Variants in FNDC3A observed in about 807,000 individuals in gnomAD.
The protein encoded by FNDC3A is fibronectin type III domain containing 3A.
A neutral mutation model predicts 148.9 loss-of-function variants in FNDC3A; 32 were observed. That is an observed-to-expected ratio of 0.21 (90% CI 0.16 to 0.29). The LOEUF is 0.29. Among genes scored for constraint, FNDC3A ranks in the 10% least tolerant of loss-of-function variants. The probability of loss-of-function intolerance (pLI) is 1.00; values close to 1 mark genes in which losing one functional copy is unlikely to be tolerated. For missense variants in FNDC3A, 1,191 were observed against 1,452.8 expected (o/e 0.82, Z 2.93); for synonymous variants, 472 against 473.6 (o/e 1.00, Z 0.04).
chr13:49,072,957 T>G (rs950650161), intron 2 of FNDC3A, among the ~76,000 whole-genome samples: 3 of 152,170 alleles, frequency 2.0e-5, no homozygotes, highest in Admixed American at 6.5e-5. Context: ...TCTTTATTTC[T>G]GTCTCTTGCC....
At chr13:48,990,290 G>C (rs559666121) in intron 1 of FNDC3A, among the ~76,000 whole-genome samples, 4 of 151,844 alleles carry the variant, frequency 2.6e-5, no homozygotes, top group South Asian at 2.1e-4. Flanking sequence ...TGAACTAAAA[G>C]ACATGTTAAA....
intron 2 of FNDC3A, among the ~76,000 whole-genome samples, chr13:49,035,187 G>A (rs1406727769): frequency 6.6e-6 from 1 of 152,048 alleles, no homozygotes; most frequent in Non-Finnish European, 1.5e-5. Flanking sequence ...ATGTGTATAA[G>A]TTCAATGAGC....
At chr13:49,144,032 CTAATAA>C (rs1166963044) in intron 7 of FNDC3A, among the ~76,000 whole-genome samples, 1 of 149,890 alleles carries the variant, frequency 6.7e-6, no homozygotes. Flanking sequence ...ACTACTACTA[CTAATAA>C]TAATAATAAT....
At chr13:49,121,383 T>G (rs979016252) in intron 4 of FNDC3A, among the ~76,000 whole-genome samples, 1 of 152,072 alleles carries the variant, frequency 6.6e-6, no homozygotes, top group Non-Finnish European at 1.5e-5. Flanking sequence ...AATGCCCACA[T>G]GAGAAAGCGG....
chr13:49,159,382 A>G (rs915210113), intron 8 of FNDC3A, among the ~76,000 whole-genome samples: 1 of 152,150 alleles, frequency 6.6e-6, no homozygotes, highest in African/African-American at 2.4e-5. Context: ...CTTTGAAGCA[A>G]TTGTGAATGG....
intron 8 of FNDC3A, among the ~76,000 whole-genome samples, chr13:49,165,276 C>A (rs1408452859): frequency 1.3e-5 from 2 of 152,164 alleles, no homozygotes; most frequent in Non-Finnish European, 2.9e-5. Flanking sequence ...AGTATCCATG[C>A]ATCTGGTATA....
intron 2 of FNDC3A, among the ~76,000 whole-genome samples, chr13:49,065,281 C>A (rs995504656): frequency 2.0e-5 from 3 of 152,106 alleles, no homozygotes; most frequent in Non-Finnish European, 2.9e-5. Context: ...AGCTCAGGAA[C>A]CCAGGAGGGA....
intron 4 of FNDC3A, among the ~76,000 whole-genome samples, chr13:49,126,329 T>C (rs955807712): frequency 2.0e-5 from 3 of 152,110 alleles, no homozygotes; most frequent in Admixed American, 2.0e-4. Flanking sequence ...TTAACCTTTT[T>C]TAAGTATACA....
intron 19 of FNDC3A, among the ~76,000 whole-genome samples, chr13:49,194,106 C>T (rs901776018): frequency 1.3e-5 from 2 of 151,900 alleles, no homozygotes; most frequent in Admixed American, 1.3e-4. Flanking sequence ...ACTAAAAATA[C>T]AAAAATTAGC....
At chr13:49,090,752 G>A (rs1462566879) in intron 3 of FNDC3A, among the ~76,000 whole-genome samples, 1 of 152,076 alleles carries the variant, frequency 6.6e-6, no homozygotes, top group Non-Finnish European at 1.5e-5. Context: ...CTGTAATCAC[G>A]ACACTTTGGG....
chr13:49,036,776 G>A (rs964371021), intron 2 of FNDC3A, among the ~76,000 whole-genome samples: 2 of 152,162 alleles, frequency 1.3e-5, no homozygotes, highest in Non-Finnish European at 2.9e-5. Flanking sequence ...GCTTTAGGAT[G>A]GCAGAATCTT....
chr13:49,106,773 C>CAAAAAAAAAAAAAAAAAAAAAACAAA (rs543962565), intron 3 of FNDC3A, among the ~76,000 whole-genome samples: 1 of 79,888 alleles, frequency 1.3e-5, no homozygotes, highest in Non-Finnish European at 2.3e-5. Flanking sequence ...TGAATGAAAG[C>CAAAAAAAAAAAAAAAAAAAAAACAAA]AAAAAAAAAA....
At chr13:49,012,805 A>ATTGTGTGTG (rs1555277951) in intron 2 of FNDC3A, among the ~76,000 whole-genome samples, 2 of 134,524 alleles carry the variant, frequency 1.5e-5, no homozygotes, top group South Asian at 2.7e-4. Context: ...GCAATTATAA[A>ATTGTGTGTG]TGTGTGTGTG....
intron 19 of FNDC3A, among the ~76,000 whole-genome samples, chr13:49,195,695 A>G (rs772826003): frequency 1.9e-4 from 29 of 152,170 alleles, no homozygotes; most frequent in Non-Finnish European, 3.7e-4. Flanking sequence ...AACTTGGAAT[A>G]ATTTTAATAT....
At chr13:49,053,353 A>G (rs1218721254) in intron 2 of FNDC3A, among the ~76,000 whole-genome samples, 5 of 152,120 alleles carry the variant, frequency 3.3e-5, no homozygotes, top group African/African-American at 4.8e-5. Flanking sequence ...TCTGCCTCCT[A>G]TTTGCCATGT....
chr13:49,061,204 G>T (rs1593531994), intron 2 of FNDC3A, among the ~76,000 whole-genome samples: 3 of 151,740 alleles, frequency 2.0e-5, no homozygotes, highest in Admixed American at 2.0e-4. Flanking sequence ...CAAACTCCCG[G>T]ACTCAAGTAA....
At chr13:48,983,349 A>T (rs1485781129) in intron 1 of FNDC3A, among the ~76,000 whole-genome samples, 1 of 152,200 alleles carries the variant, frequency 6.6e-6, no homozygotes, top group African/African-American at 2.4e-5. Context: ...TAAATCAGCT[A>T]TTCAACTATG....
intron 2 of FNDC3A, among the ~76,000 whole-genome samples, chr13:49,038,467 C>T (rs1238184284): frequency 6.6e-6 from 1 of 151,566 alleles, no homozygotes; most frequent in African/African-American, 2.4e-5. Context: ...AGGGAAGACA[C>T]GGGGAGAAGA....
intron 2 of FNDC3A, among the ~76,000 whole-genome samples, chr13:49,013,451 T>G (rs1385462634): frequency 6.6e-6 from 1 of 152,046 alleles, no homozygotes; most frequent in Non-Finnish European, 1.5e-5. Context: ...TATGTATACA[T>G]GTACATGTGT....
Sources: gnomAD v4.1 joint callset for allele counts (sites outside exome capture counted in the v4.1 genomes callset) on GRCh38, gnomAD v4.1.1 for gene constraint, MANE v1.5 for transcripts, NCBI Gene and HGNC (gene_info 2026-07-23, HGNC 2026-07-21) for gene names.